ERG: variants seen among roughly 807,000 people sequenced by gnomAD.
The protein encoded by ERG is transcriptional regulator ERG.
In ERG, 9 loss-of-function variants were observed where a neutral mutation model predicts 55.3. That is an observed-to-expected ratio of 0.16 (90% CI 0.10 to 0.28). The LOEUF is 0.28. Ranked by LOEUF, ERG falls within the 10% of genes least tolerant of loss-of-function variation. The pLI, the probability that ERG is intolerant of heterozygous loss-of-function variation, is 1.00. For synonymous variants in ERG, 223 were observed against 237.3 expected (o/e 0.94, Z 0.55); for missense variants, 434 against 631.6 (o/e 0.69, Z 3.35).
At chr21:38,604,550 T>C (rs982742817) in intron 1 of ERG, among the ~76,000 whole-genome samples, 17 of 152,256 alleles carry the variant, frequency 1.1e-4, no homozygotes, top group Admixed American at 2.6e-4. Flanking sequence ...GTGAATGTTA[T>C]TATAACAGAT....
intron 1 of ERG, among the ~76,000 whole-genome samples, chr21:38,465,941 TG>T (rs747163990): frequency 3.3e-5 from 5 of 152,118 alleles, no homozygotes; most frequent in Non-Finnish European, 5.9e-5. Flanking sequence ...AGGAGGTGCC[TG>T]GGCTGGAATG....
chr21:38,429,078 T>C (rs890064392), intron 2 of ERG, among the ~76,000 whole-genome samples: 3 of 152,096 alleles, frequency 2.0e-5, no homozygotes, highest in African/African-American at 7.2e-5. Flanking sequence ...CACTGTATCA[T>C]TCTTATGCTT....
chr21:38,558,332 T>C (rs967487520), intron 2 of ERG, among the ~76,000 whole-genome samples: 1 of 152,226 alleles, frequency 6.6e-6, no homozygotes, highest in African/African-American at 2.4e-5. Flanking sequence ...AACTTTAAAC[T>C]GAATAGGAGA....
At chr21:38,637,970 C>T (rs2060400563) in intron 1 of ERG, among the ~76,000 whole-genome samples, 1 of 152,098 alleles carries the variant, frequency 6.6e-6, no homozygotes, top group Admixed American at 6.5e-5. Flanking sequence ...GATTGAAGAG[C>T]AAGAGAGTTC....
At chr21:38,573,941 G>A (rs144712554) in intron 2 of ERG, among the ~76,000 whole-genome samples, 11 of 152,282 alleles carry the variant, frequency 7.2e-5, no homozygotes, top group East Asian at 1.9e-4. Context: ...AATATAGAAC[G>A]TTTCTACCAA....
intron 1 of ERG, among the ~76,000 whole-genome samples, chr21:38,468,875 C>G (rs1370845759): frequency 1.3e-5 from 2 of 150,390 alleles, no homozygotes; most frequent in Non-Finnish European, 2.9e-5. Flanking sequence ...GTCCCAGCTA[C>G]TAGGGAGGCT....
chr21:38,556,761 A>T (rs1264515352), intron 2 of ERG, among the ~76,000 whole-genome samples: 1 of 152,170 alleles, frequency 6.6e-6, no homozygotes, highest in Non-Finnish European at 1.5e-5. Flanking sequence ...ATGGGAAGAA[A>T]GCAGGGTTCT....
At chr21:38,540,168 T>C (rs2059742168) in intron 2 of ERG, among the ~76,000 whole-genome samples, 1 of 152,166 alleles carries the variant, frequency 6.6e-6, no homozygotes, top group Admixed American at 6.5e-5. Flanking sequence ...AGTGCTGGGA[T>C]TACAGGCTGA....
chr21:38,476,366 T>A (rs1005106982), intron 1 of ERG, among the ~76,000 whole-genome samples: 1 of 152,162 alleles, frequency 6.6e-6, no homozygotes, highest in African/African-American at 2.4e-5. Context: ...GTCTCCACGT[T>A]TAGGTTTAGG....
chr21:38,425,545 G>T (rs772133929), intron 2 of ERG, among the ~76,000 whole-genome samples: 1 of 152,206 alleles, frequency 6.6e-6, no homozygotes, highest in Non-Finnish European at 1.5e-5. Flanking sequence ...TAGCTGAGAA[G>T]TATTAATATT....
chr21:38,429,388 TAC>T lies in ERG; in HGVS notation c.237-5829_237-5828del, dbSNP rs1990013005. 1.3e-4 allele frequency among the ~76,000 whole-genome samples: 4 copies of T among 30,734 alleles called. 1 individual carries two copies. Among genetic ancestry groups the T allele is most frequent in the Admixed American group, 1.2e-3 (4 of 3,214 alleles). The allele number at this position is 30,734 out of a possible 152,430, so 20.2% of individuals were successfully genotyped here. On this transcript the variant is annotated intron_variant, in intron 2 of 9. Transcript: ENST00000288319. ...ATATGTACACATATACATATATATG[TAC>T]ACATATACACATGTACATACGCACA... is the stretch of plus-strand genomic sequence containing the variant.
intron 1 of ERG, among the ~76,000 whole-genome samples, chr21:38,476,498 T>C (rs1357483839): frequency 1.3e-5 from 2 of 152,144 alleles, no homozygotes; most frequent in Non-Finnish European, 2.9e-5. Context: ...TCCACCCTCC[T>C]CTTAACGGCT....
intron 5 of ERG, among the ~76,000 whole-genome samples, chr21:38,401,910 C>A (rs111423935): frequency 6.6e-6 from 1 of 152,164 alleles, no homozygotes; most frequent in Non-Finnish European, 1.5e-5. Flanking sequence ...AAATACATAA[C>A]TAAGTCAAAT....
At chr21:38,649,682 G>T (rs1016478582) in intron 1 of ERG, among the ~76,000 whole-genome samples, 14 of 152,180 alleles carry the variant, frequency 9.2e-5, no homozygotes, top group African/African-American at 3.4e-4. Flanking sequence ...GCATCAAGTG[G>T]ACATGCAGGA....
chr21:38,541,345 G>T (rs2059750975), intron 2 of ERG, among the ~76,000 whole-genome samples: 2 of 152,134 alleles, frequency 1.3e-5, no homozygotes. Context: ...GATAAATTCG[G>T]AGTACAAAGG....
At chr21:38,497,891 C>T (rs1053176064) in intron 1 of ERG, among the ~76,000 whole-genome samples, 11 of 152,198 alleles carry the variant, frequency 7.2e-5, no homozygotes, top group African/African-American at 2.7e-4. Flanking sequence ...CAGCCACTTG[C>T]CGAGTATCTC....
chr21:38,443,095 C>G (rs1365457702), intron 2 of ERG, among the ~76,000 whole-genome samples: 1 of 152,260 alleles, frequency 6.6e-6, no homozygotes, highest in Non-Finnish European at 1.5e-5. Flanking sequence ...GCGTGAGCCA[C>G]TGCGCCCGGC....
chr21:38,506,258 G>A (rs1298070171), intron 2 of ERG, among the ~76,000 whole-genome samples: 1 of 152,160 alleles, frequency 6.6e-6, no homozygotes, highest in East Asian at 1.9e-4. Context: ...CCAAATGTGA[G>A]TTGCATCAAA....
chr21:38,457,087 A>T (rs1017742236), intron 1 of ERG, among the ~76,000 whole-genome samples: 1 of 152,192 alleles, frequency 6.6e-6, no homozygotes, highest in Non-Finnish European at 1.5e-5. Context: ...CTTACATCAC[A>T]TCCAATAGGG....
Sources: gnomAD v4.1 joint callset for allele counts (sites outside exome capture counted in the v4.1 genomes callset) on GRCh38, gnomAD v4.1.1 for gene constraint, MANE v1.5 for transcripts, NCBI Gene and HGNC (gene_info 2026-07-23, HGNC 2026-07-21) for gene names.